RBFOX2: variants seen among roughly 807,000 people sequenced by gnomAD.
RBFOX2 encodes RNA binding protein fox-1 homolog 2.
RBFOX2 carries 10 observed loss-of-function variants against 49.1 expected under a neutral mutation model. The observed-to-expected ratio is 0.20, with a 90% CI of 0.13 to 0.35. The LOEUF (loss-of-function observed/expected upper bound fraction) is 0.35, where lower values mean the gene tolerates loss of function less well. RBFOX2 is among the 10% of genes least tolerant of loss of function. RBFOX2 has a pLI of 1.00. For missense variants in RBFOX2, 323 were observed against 486.9 expected, an observed-to-expected ratio of 0.66 and a Z score of 3.17; for synonymous variants, 183 against 187.4, an observed-to-expected ratio of 0.98 and a Z score of 0.19.
intron 9 of RBFOX2, among the ~76,000 whole-genome samples, chr22:35,751,532 C>A (rs184349960): frequency 3.7e-4 from 56 of 152,172 alleles, no homozygotes; most frequent in Admixed American, 2.9e-3. Flanking sequence ...TTTATTTATC[C>A]TTGGATGAAT....
chr22:35,972,225 C>T (rs192116431), intron 1 of RBFOX2, among the ~76,000 whole-genome samples: 3 of 152,142 alleles, frequency 2.0e-5, no homozygotes, highest in African/African-American at 7.2e-5. Flanking sequence ...TTTGAAGTGG[C>T]CTGCTTTTTT....
At chr22:35,748,585 C>T (rs2145874482) in intron 9 of RBFOX2, 1 of 151,854 alleles carries the variant, frequency 6.6e-6, no homozygotes, top group East Asian at 1.9e-4. Context: ...AGAGATGGTT[C>T]CATTAGTTTA....
exon 12 of RBFOX2, chr22:35,741,442 A>T (rs1929908360): frequency 6.6e-6 from 1 of 152,314 alleles, no homozygotes; most frequent in Admixed American, 6.5e-5. Flanking sequence ...ACAGACAAGC[A>T]GTGCTGCTTC....
chr22:35,898,115 T>C (rs1029670358), intron 1 of RBFOX2: 3 of 742,010 alleles, frequency 4.0e-6, no homozygotes, highest in East Asian at 2.6e-5. Flanking sequence ...AGGTCTCCCA[T>C]GGGACGAAGG....
At chr22:35,773,320 C>G (rs1943150150) in intron 4 of RBFOX2, among the ~76,000 whole-genome samples, 1 of 151,994 alleles carries the variant, frequency 6.6e-6, no homozygotes, top group South Asian at 2.1e-4. Context: ...TTTATCTCCC[C>G]TAACTACAGC....
intron 1 of RBFOX2, among the ~76,000 whole-genome samples, chr22:36,025,100 G>A (rs535190825): frequency 2.0e-5 from 3 of 152,140 alleles, no homozygotes; most frequent in Non-Finnish European, 4.4e-5. Context: ...GAGCCACTGC[G>A]CCCGGCTAAG....
chr22:35,842,917 A>C (rs2040692841), upstream of RBFOX2, among the ~76,000 whole-genome samples: 2 of 152,208 alleles, frequency 1.3e-5, no homozygotes, highest in East Asian at 1.9e-4. Context: ...ACTTTTCTAC[A>C]TTTAGAACCA....
At chr22:35,885,788 C>T (rs562084310) in intron 1 of RBFOX2, among the ~76,000 whole-genome samples, 2 of 147,524 alleles carry the variant, frequency 1.4e-5, no homozygotes, top group African/African-American at 5.0e-5. Flanking sequence ...CAAGTTAATA[C>T]ACAATGAAGA....
chr22:35,759,934 C>T lies in RBFOX2; in HGVS notation c.841G>A (p.Gly281Ser). The T allele has an allele frequency of 6.2e-7, 1 of 1,613,792 alleles. No homozygotes were observed. Among genetic ancestry groups the T allele is most frequent in the Non-Finnish European group, 8.5e-7 (1 of 1,180,024 alleles). ...GTTGGAGGTACCGCTCGGACTGCAC[C>T]ATATACTGTCCGCCCTCTGCCCCTC... Residue 281 changes from glycine to serine, a missense_variant, in exon 9 of 12, where the codon GGT becomes AGT. Coordinates refer to ENST00000405409, the Ensembl canonical transcript of RBFOX2. This position sits in a 1 kb window ranked among gnomAD's most constrained non-coding sequence, Gnocchi z 4.6.
intron 1 of RBFOX2, among the ~76,000 whole-genome samples, chr22:35,822,153 C>T (rs1327073859): frequency 1.3e-5 from 2 of 152,164 alleles, no homozygotes; most frequent in South Asian, 2.1e-4. Context: ...TTCTAGAGAA[C>T]ACTAGCTAAG....
At chr22:36,028,667 C>A (rs2059545081) in exon 1 of RBFOX2, among the ~76,000 whole-genome samples, 1 of 149,632 alleles carries the variant, frequency 6.7e-6, no homozygotes, top group African/African-American at 2.4e-5. Flanking sequence ...ACTGGCGGGT[C>A]GTGATGAGCA....
chr22:35,758,351 T>A (rs1937557973), intron 9 of RBFOX2, among the ~76,000 whole-genome samples: 1 of 152,200 alleles, frequency 6.6e-6, no homozygotes, highest in Admixed American at 6.5e-5. Context: ...ATTCAACCAC[T>A]TTATAAAGTA....
At chr22:35,993,389 C>G (rs2058059559) in intron 1 of RBFOX2, 1 of 152,186 alleles carries the variant, frequency 6.6e-6, no homozygotes. Context: ...AATATGCTCA[C>G]AAAGTATTTG....
At chr22:35,990,971 C>T (rs1489628874) in intron 1 of RBFOX2, among the ~76,000 whole-genome samples, 1 of 151,924 alleles carries the variant, frequency 6.6e-6, no homozygotes, top group African/African-American at 2.4e-5. Context: ...CACCGAAACA[C>T]CCACTAAGCC....
At chr22:35,925,845 A>G (rs985219215) in intron 1 of RBFOX2, among the ~76,000 whole-genome samples, 1 of 152,222 alleles carries the variant, frequency 6.6e-6, no homozygotes, top group African/African-American at 2.4e-5. Flanking sequence ...GATAAAAGCT[A>G]AGCAGAGTAA....
intron 1 of RBFOX2, among the ~76,000 whole-genome samples, chr22:35,985,933 T>C (rs534237541): frequency 2.0e-5 from 3 of 151,930 alleles, no homozygotes; most frequent in African/African-American, 7.2e-5. Flanking sequence ...GATAGATAGA[T>C]AGATAGATAG....
At chr22:35,925,818 C>A (rs1353236226) in intron 1 of RBFOX2, among the ~76,000 whole-genome samples, 1 of 152,150 alleles carries the variant, frequency 6.6e-6, no homozygotes, top group Non-Finnish European at 1.5e-5. Flanking sequence ...GGATATCACA[C>A]TAAAGAATAT....
At chr22:35,958,088 TAAC>T (rs1360257146) in intron 1 of RBFOX2, among the ~76,000 whole-genome samples, 3 of 152,162 alleles carry the variant, frequency 2.0e-5, no homozygotes, top group Non-Finnish European at 4.4e-5. Context: ...AAATTTAAAT[TAAC>T]AATTCTACCC....
At chr22:35,778,767 G>A (rs1166614173) in intron 3 of RBFOX2, among the ~76,000 whole-genome samples, 1 of 152,086 alleles carries the variant, frequency 6.6e-6, no homozygotes, top group Non-Finnish European at 1.5e-5. Flanking sequence ...CTCTTGAGTA[G>A]CTGTGATTAC....
Sources: allele counts gnomAD v4.1 joint callset (sites outside exome capture counted in the v4.1 genomes callset), GRCh38; gene constraint gnomAD v4.1.1; non-coding constraint Gnocchi (gnomAD v3.1); transcripts MANE v1.5; gene names NCBI Gene and HGNC (gene_info 2026-07-23, HGNC 2026-07-21).